NPC1: variants seen among roughly 807,000 people sequenced by gnomAD.
NPC1 encodes NPC intracellular cholesterol transporter 1, also known as Niemann-Pick C1 protein.
Under a neutral mutation model 140.4 loss-of-function variants are expected in NPC1, and 85 were observed. The observed-to-expected ratio is 0.61, with a 90% CI of 0.51 to 0.72. The LOEUF is 0.72. Among genes scored for constraint, NPC1 ranks in the 30% least tolerant of loss-of-function variants. The probability of loss-of-function intolerance (pLI) is 0.00; values close to 1 mark genes in which losing one functional copy is unlikely to be tolerated. For missense variants in NPC1, 1,504 were observed against 1,623.8 expected, an observed-to-expected ratio of 0.93 and a Z score of 1.27; for synonymous variants, 656 against 624.8, an observed-to-expected ratio of 1.05 and a Z score of -0.74.
At chr18:23,519,746 C>T (rs1485226467), downstream of NPC1, among the ~76,000 whole-genome samples, 1 of 152,144 alleles carries the variant, frequency 6.6e-6, no homozygotes, top group Admixed American at 6.5e-5. Context: ...AGTACTTGAA[C>T]TCTCTGTTGC....
At chr18:23,563,452 ACT>A (rs1251831866) in intron 4 of NPC1, among the ~76,000 whole-genome samples, 9 of 152,294 alleles carry the variant, frequency 5.9e-5, no homozygotes, top group Non-Finnish European at 8.8e-5. Context: ...GTGGGGTCTC[ACT>A]CTGTCACACA....
chr18:23,509,240 A>G, intron 3 of NPC1: 10 of 1,468,542 alleles, frequency 6.8e-6, no homozygotes, highest in Non-Finnish European at 9.0e-6. Flanking sequence ...GTTCAACTGA[A>G]ATTGTCTTCA....
At chr18:23,566,867 CACTG>C (rs1467620509) in intron 4 of NPC1, among the ~76,000 whole-genome samples, 3 of 152,228 alleles carry the variant, frequency 2.0e-5, no homozygotes, top group Admixed American at 6.5e-5. Context: ...CCATGGCAAT[CACTG>C]ACTTTTTACT....
chr18:23,518,360 C>A (rs2058063042), downstream of NPC1, among the ~76,000 whole-genome samples: 1 of 152,068 alleles, frequency 6.6e-6, no homozygotes, highest in Non-Finnish European at 1.5e-5. Context: ...GGCACGGTGG[C>A]ACGTGCATGT....
At chr18:23,551,848 G>A in intron 9 of NPC1, 121 bp from the exon 10 acceptor site, 1 of 773,444 alleles carries the variant, frequency 1.3e-6, no homozygotes, top group Non-Finnish European at 2.3e-6. Flanking sequence ...CATGGGCCCT[G>A]AGGTTTCTCA....
At chr18:23,559,541 G>A (rs551613035) in intron 6 of NPC1, among the ~76,000 whole-genome samples, 15 of 123,388 alleles carry the variant, frequency 1.2e-4, no homozygotes, top group African/African-American at 2.0e-4. Flanking sequence ...TCGCACTGTC[G>A]CCAGGGCTGT....
At chr18:23,536,537 A>G in intron 21 of NPC1, 136 bp downstream of exon 21, 1 of 722,622 alleles carries the variant, frequency 1.4e-6, no homozygotes, top group Non-Finnish European at 2.4e-6. Flanking sequence ...CCTTTGATAT[A>G]CTGCCCTGTG....
At chr18:23,550,162 C>A (rs1371584229) in intron 10 of NPC1, among the ~76,000 whole-genome samples, 1 of 151,994 alleles carries the variant, frequency 6.6e-6, no homozygotes, top group South Asian at 2.1e-4. Flanking sequence ...CAAGCATGCA[C>A]CACCATGCCC....
In NPC1 at chr18:23,551,692, T is replaced by C. The variant is rs1189244482; in HGVS notation, c.1589A>G (p.His530Arg). 8.1e-6 allele frequency: 13 copies of C among 1,614,182 alleles called. No individual in the cohort carries two copies. The highest frequency in any genetic ancestry group is 1.0e-5 in the Non-Finnish European group (12 of 1,180,032). Reference sequence around the variant, plus strand: ...ACCAAACGTACCCAGACAAGGGTCATGGAGCAAACTTGTATCATTCAGAGA... The same window carrying C: ...ACCAAACGTACCCAGACAAGGGTCACGGAGCAAACTTGTATCATTCAGAGA... Reference protein sequence around the residue: ...PASLNDTSLLHDPCLGTFGGP... With the variant: ...PASLNDTSLLRDPCLGTFGGP... The change falls in exon 10 of 25, where the codon CAT becomes CGT. Residue 530 changes from histidine to arginine, a missense_variant. Coordinates refer to ENST00000269228, the MANE Select transcript of NPC1 (RefSeq NM_000271.5).
intron 7 of NPC1, 137 bp downstream of exon 7, chr18:23,556,980 T>C: frequency 3.9e-6 from 3 of 774,536 alleles, no homozygotes; most frequent in South Asian, 1.5e-5. Flanking sequence ...GCAAGGACCA[T>C]GTCTGCCTTG....
At chr18:23,540,157 G>T (rs187288925) in intron 17 of NPC1, among the ~76,000 whole-genome samples, 156 bp from the exon 18 acceptor site, 193 of 152,288 alleles carry the variant, frequency 1.3e-3, no homozygotes, top group Middle Eastern at 3.4e-3. Flanking sequence ...CTTCCCCCCA[G>T]GGCCCCAGGG....
intron 8 of NPC1, among the ~76,000 whole-genome samples, chr18:23,555,624 A>C (rs897364647): frequency 6.6e-6 from 1 of 152,220 alleles, no homozygotes; most frequent in African/African-American, 2.4e-5. Flanking sequence ...AAGCCGGTAC[A>C]GTTTATGCAC....
Position 23,536,248 on chromosome 18 carries a change from T to C in NPC1, c.3245+425A>G, listed in dbSNP as rs571646248. Among the ~76,000 whole-genome samples the C allele has an allele frequency of 3.3e-5, 5 of 152,340 alleles. No homozygotes were observed. The East Asian group carries it at 9.6e-4, about 29-fold the overall frequency. On this transcript the variant is annotated intron_variant, in intron 21 of 24. Transcript: ENST00000269228. ...ATTCAGTAGTTCATACATAATACTT[T>C]TCTTCCTGGGAAAAAAAACCCCTAA...
chr18:23,567,163 T>C (rs1253011304), intron 4 of NPC1, among the ~76,000 whole-genome samples: 3 of 152,216 alleles, frequency 2.0e-5, no homozygotes, highest in Non-Finnish European at 4.4e-5. Context: ...GGTTTTGGGG[T>C]AGACACATTT....
At chr18:23,581,963 C>T (rs2059361550) in intron 1 of NPC1, 1 of 152,214 alleles carries the variant, frequency 6.6e-6, no homozygotes, top group Non-Finnish European at 1.5e-5. Flanking sequence ...TTACACAGCA[C>T]TTTACAGTGT....
Position 23,548,335 on chromosome 18 carries a change from A to T in NPC1, c.1655-227T>A, listed in dbSNP as rs575973062. On this transcript the variant is annotated intron_variant, in intron 10 of 24. Coordinates refer to ENST00000269228, the MANE Select transcript of NPC1 (RefSeq NM_000271.5). ...GGCATGGTTATCATTCAGGAAGAGT[A>T]ACTCTTTTTTTTTTTTTTTTTAAAG... 4.9e-5 allele frequency among the ~76,000 whole-genome samples: 7 copies of T among 143,802 alleles called. No homozygotes were observed. In the East Asian group the frequency reaches 9.8e-4, roughly 20 times the overall value. 94.3% of individuals were successfully genotyped at this position (143,802 alleles called of 152,430 possible).
At chr18:23,549,422 T>A (rs1166931803) in intron 10 of NPC1, among the ~76,000 whole-genome samples, 2 of 152,158 alleles carry the variant, frequency 1.3e-5, no homozygotes, top group East Asian at 3.9e-4. Context: ...TGGATCACCT[T>A]AGGTCAGGAG....
At chr18:23,523,616 T>C (rs1378092098) in intron 1 of NPC1, among the ~76,000 whole-genome samples, 1 of 150,414 alleles carries the variant, frequency 6.6e-6, no homozygotes, top group South Asian at 2.1e-4. Flanking sequence ...CTAGCTACTC[T>C]GAAGGCTGAG....
intron 3 of NPC1, chr18:23,516,205 G>C: frequency 7.2e-7 from 1 of 1,382,112 alleles, no homozygotes; most frequent in Non-Finnish European, 1.0e-6. Flanking sequence ...ATGGGGGACG[G>C]TGGAAAGGAT....
Sources: gnomAD v4.1 joint callset for allele counts (sites outside exome capture counted in the v4.1 genomes callset) on GRCh38, gnomAD v4.1.1 for gene constraint, MANE v1.5 for transcripts, NCBI Gene and HGNC (gene_info 2026-07-23, HGNC 2026-07-21) for gene names.